GALNT7: variants seen among roughly 807,000 people sequenced by gnomAD.
The protein encoded by GALNT7 is N-acetylgalactosaminyltransferase 7.
GALNT7 carries 60 observed loss-of-function variants against 82.1 expected under a neutral mutation model. The ratio of observed to expected loss-of-function variants is 0.73; its 90% CI spans 0.59 to 0.91. GALNT7 has a LOEUF of 0.91. GALNT7 is among the 40% of genes least tolerant of loss of function. The pLI is 0.00. For missense variants in GALNT7, 660 were observed against 804.2 expected (o/e 0.82, Z 2.17); for synonymous variants, 243 against 275.1 (o/e 0.88, Z 1.15).
rs1052108052 is a variant in GALNT7, at chr4:173,183,083, C to G, written c.126+14122C>G. The stretch of plus-strand genomic sequence containing the variant: ...ACACACACACACACACACACACACA[C>G]ACACACACTGCTTTTTCTCTGTGTA... On this transcript the variant is annotated intron_variant, in intron 1 of 11. Coordinates refer to ENST00000265000, the MANE Select transcript of GALNT7 (RefSeq NM_017423.3). Among the ~76,000 whole-genome samples, 3 of 147,264 alleles carry G rather than the reference C, an allele frequency of 2.0e-5. No homozygotes were observed. The East Asian group carries it at 5.8e-4, about 29-fold the overall frequency.
chr4:173,309,285 G>GCT (rs1201160989), intron 8 of GALNT7, among the ~76,000 whole-genome samples: 1 of 152,110 alleles, frequency 6.6e-6, no homozygotes, highest in Non-Finnish European at 1.5e-5. Context: ...GAGTGTACGT[G>GCT]CTCTCTCTCA....
At chr4:173,287,670 T>C (rs1332481359) in intron 2 of GALNT7, among the ~76,000 whole-genome samples, 1 of 152,196 alleles carries the variant, frequency 6.6e-6, no homozygotes, top group African/African-American at 2.4e-5. Flanking sequence ...ATGACCTTCA[T>C]TTATGGTCCT....
chr4:173,210,394 C>T (rs1385615532), intron 1 of GALNT7, among the ~76,000 whole-genome samples: 1 of 152,192 alleles, frequency 6.6e-6, no homozygotes, highest in African/African-American at 2.4e-5. Context: ...CACCTTTGCA[C>T]TTTTGCACAA....
At chr4:173,307,941 G>A (rs1737221129) in intron 8 of GALNT7, among the ~76,000 whole-genome samples, 1 of 152,208 alleles carries the variant, frequency 6.6e-6, no homozygotes, top group Non-Finnish European at 1.5e-5. Context: ...AAGGGCTGTC[G>A]TTTACCTCAG....
intron 1 of GALNT7, among the ~76,000 whole-genome samples, chr4:173,220,587 G>T (rs1391364530): frequency 6.6e-6 from 1 of 151,910 alleles, no homozygotes; most frequent in Non-Finnish European, 1.5e-5. Context: ...TGACATGCTG[G>T]TGCGCTGCAC....
At chr4:173,203,041 T>A (rs1308661506) in intron 1 of GALNT7, among the ~76,000 whole-genome samples, 1 of 152,084 alleles carries the variant, frequency 6.6e-6, no homozygotes, top group Non-Finnish European at 1.5e-5. Flanking sequence ...ATTTCTTTAC[T>A]TTCCGTCTAT....
At chr4:173,296,699 T>C (rs1188578169) in intron 5 of GALNT7, among the ~76,000 whole-genome samples, 3 of 152,204 alleles carry the variant, frequency 2.0e-5, no homozygotes, top group African/African-American at 4.8e-5. Flanking sequence ...AAGTTTACAC[T>C]GCACCATGTA....
At chr4:173,239,925 G>A (rs1467704676) in intron 1 of GALNT7, among the ~76,000 whole-genome samples, 3 of 152,000 alleles carry the variant, frequency 2.0e-5, no homozygotes, top group Non-Finnish European at 4.4e-5. Flanking sequence ...GTTCAAAATT[G>A]TACTATATAC....
intron 1 of GALNT7, among the ~76,000 whole-genome samples, chr4:173,228,840 G>C (rs1260286190): frequency 1.3e-5 from 2 of 152,092 alleles, no homozygotes; most frequent in Non-Finnish European, 2.9e-5. Context: ...TTAACTTCCA[G>C]GAACCCTACC....
intron 1 of GALNT7, among the ~76,000 whole-genome samples, chr4:173,215,445 G>C (rs1733414913): frequency 6.6e-6 from 1 of 152,014 alleles, no homozygotes. Flanking sequence ...TGCCCAGGCT[G>C]GTCTTGAACT....
intron 8 of GALNT7, among the ~76,000 whole-genome samples, chr4:173,313,097 A>G (rs897135386): frequency 6.6e-6 from 1 of 152,086 alleles, no homozygotes; most frequent in Admixed American, 6.5e-5. Context: ...AAAGGAACCA[A>G]CTGGGGAAAA....
intron 1 of GALNT7, among the ~76,000 whole-genome samples, chr4:173,226,009 G>A (rs1323018051): frequency 6.6e-6 from 1 of 152,122 alleles, no homozygotes; most frequent in Admixed American, 6.5e-5. Context: ...ATCGCTGTGT[G>A]CAGACTGCCC....
intron 2 of GALNT7, among the ~76,000 whole-genome samples, chr4:173,288,292 A>AAAAAAAAAG (rs1336974103): frequency 6.7e-6 from 1 of 149,426 alleles, no homozygotes; most frequent in African/African-American, 2.5e-5. Context: ...CAAAAAAAAA[A>AAAAAAAAAG]AAAAAAAAAA....
intron 1 of GALNT7, among the ~76,000 whole-genome samples, chr4:173,196,421 G>A (rs940574048): frequency 5.3e-5 from 8 of 152,022 alleles, no homozygotes; most frequent in African/African-American, 1.7e-4. Flanking sequence ...CACCAAGCCC[G>A]GCCCAGAATG....
chr4:173,279,565 C>G (rs982060331), intron 2 of GALNT7, among the ~76,000 whole-genome samples: 7 of 152,200 alleles, frequency 4.6e-5, no homozygotes, highest in African/African-American at 1.7e-4. Flanking sequence ...GTAACATATT[C>G]AAGTGTCAGC....
intron 1 of GALNT7, among the ~76,000 whole-genome samples, chr4:173,184,787 T>C (rs376808499): frequency 8.5e-5 from 13 of 152,094 alleles, no homozygotes; most frequent in African/African-American, 3.1e-4. Context: ...TACTTTGAAA[T>C]ATTAATATTA....
intron 2 of GALNT7, among the ~76,000 whole-genome samples, chr4:173,255,435 A>C (rs995273042): frequency 6.6e-6 from 1 of 152,154 alleles, no homozygotes; most frequent in African/African-American, 2.4e-5. Flanking sequence ...AGTATGCCTG[A>C]TAAAAAGTTA....
At chr4:173,309,778 C>A (rs1052714759) in intron 8 of GALNT7, among the ~76,000 whole-genome samples, 1 of 152,100 alleles carries the variant, frequency 6.6e-6, no homozygotes. Flanking sequence ...GAAGCCCCAG[C>A]TACAACAGGG....
intron 6 of GALNT7, among the ~76,000 whole-genome samples, chr4:173,300,770 A>G (rs1403301385): frequency 6.6e-6 from 1 of 152,052 alleles, no homozygotes; most frequent in Non-Finnish European, 1.5e-5. Flanking sequence ...GAGATATTGG[A>G]AAGTCCAAGC....
Sources: allele counts gnomAD v4.1 joint callset (sites outside exome capture counted in the v4.1 genomes callset), GRCh38; gene constraint gnomAD v4.1.1; transcripts MANE v1.5; gene names NCBI Gene and HGNC (gene_info 2026-07-23, HGNC 2026-07-21).